The following PTPN11 variants were observed in gnomAD, a reference collection of about 807,000 sequenced individuals.
PTPN11 encodes the protein protein tyrosine phosphatase non-receptor type 11.
PTPN11 carries 6 observed loss-of-function variants against 78.8 expected under a neutral mutation model. The ratio of observed to expected loss-of-function variants is 0.08; its 90% CI spans 0.04 to 0.15. The LOEUF is 0.15. Ranked by LOEUF, PTPN11 falls within the 10% of genes least tolerant of loss-of-function variation. The pLI, the probability that PTPN11 is intolerant of heterozygous loss-of-function variation, is 1.00. For missense variants in PTPN11, 386 were observed against 744.8 expected, an observed-to-expected ratio of 0.52 and a Z score of 5.61; for synonymous variants, 221 against 263.5, an observed-to-expected ratio of 0.84 and a Z score of 1.56.
At chr12:112,457,791 C>T (rs1024665888) in intron 6 of PTPN11, among the ~76,000 whole-genome samples, 2 of 152,194 alleles carry the variant, frequency 1.3e-5, no homozygotes, top group African/African-American at 4.8e-5. Context: ...TATCACTTAC[C>T]CATTGACAAT....
chr12:112,426,885 CCTT>C (rs2037624139), intron 1 of PTPN11, among the ~76,000 whole-genome samples: 2 of 152,154 alleles, frequency 1.3e-5, no homozygotes, highest in Admixed American at 1.3e-4. Context: ...TATCCTCCCT[CCTT>C]GGCCTCCTAG....
At chr12:112,489,234 G>T in intron 13 of PTPN11, 59 bp downstream of exon 13, 1 of 1,593,284 alleles carries the variant, frequency 6.3e-7, no homozygotes. Flanking sequence ...TCTTGGATAC[G>T]CTCTCCTTTT....
intron 13 of PTPN11, among the ~76,000 whole-genome samples, chr12:112,497,391 A>G (rs1167712354): frequency 4.6e-5 from 7 of 152,062 alleles, no homozygotes; most frequent in African/African-American, 1.7e-4. Flanking sequence ...TCTGTTGCAG[A>G]CATTGATTAG....
At chr12:112,505,149 G>A (rs2038918288) in intron 15 of PTPN11, among the ~76,000 whole-genome samples, 1 of 152,098 alleles carries the variant, frequency 6.6e-6, no homozygotes, top group South Asian at 2.1e-4. Context: ...GGGAAGCATC[G>A]GGACTCAGCA....
intron 6 of PTPN11, among the ~76,000 whole-genome samples, chr12:112,472,462 C>T (rs1204938515): frequency 1.3e-5 from 2 of 151,832 alleles, no homozygotes; most frequent in African/African-American, 4.8e-5. Context: ...TTTATTTAGG[C>T]GGTCCTTTCC....
In PTPN11 at chr12:112,423,651, A is replaced by G. The variant is rs140529519; in HGVS notation, c.14+4526A>G. Among the ~76,000 whole-genome samples, 227 of 152,084 alleles carry G rather than the reference A, an allele frequency of 1.5e-3. 2 individuals are homozygous for G. In the Middle Eastern group the frequency reaches 0.037, roughly 25 times the overall value. On this transcript the variant is annotated intron_variant, in intron 1 of 15. Transcript: ENST00000351677. ...TGTATGTGTATATATGTATATTTGT[A>G]TACTCATATAAACACAAATACACAT... is the stretch of plus-strand genomic sequence containing the variant.
At chr12:112,446,174 A>G (rs897333202) in intron 1 of PTPN11, 102 bp from the exon 2 acceptor site, 25 of 1,482,006 alleles carry the variant, frequency 1.7e-5, no homozygotes, top group Middle Eastern at 4.7e-4. Context: ...TATTTTCTAA[A>G]ATTTTCTACT....
chr12:112,423,740 C>CTTT (rs1238357055), intron 1 of PTPN11, among the ~76,000 whole-genome samples: 179 of 110,648 alleles, frequency 1.6e-3, no homozygotes, highest in African/African-American at 2.9e-3. Flanking sequence ...CATACAATGT[C>CTTT]TTTTTTTTTT....
At chr12:112,480,360 A>G (rs2038577155) in intron 9 of PTPN11, among the ~76,000 whole-genome samples, 1 of 148,212 alleles carries the variant, frequency 6.7e-6, no homozygotes, top group African/African-American at 2.5e-5. Flanking sequence ...AAAAGACCAC[A>G]TCGTTCTTTT....
At chr12:112,505,558 C>T (rs886941266) in intron 15 of PTPN11, among the ~76,000 whole-genome samples, 9 of 150,096 alleles carry the variant, frequency 6.0e-5, no homozygotes, top group Non-Finnish European at 8.8e-5. Flanking sequence ...CCTATAATCC[C>T]AGCTACTCAG....
intron 13 of PTPN11, among the ~76,000 whole-genome samples, chr12:112,491,114 C>T (rs923901797): frequency 2.0e-5 from 3 of 151,994 alleles, no homozygotes; most frequent in African/African-American, 7.2e-5. Context: ...AGAGAAGAAA[C>T]AGCACAAGGA....
chr12:112,502,267 C>T lies in PTPN11; in HGVS notation c.1712+11C>T. ...GCCACCCTGTGCAGAGTAAGTAGTG[C>T]TGAAGGAAATTCTTTTTACCTGGTC... On this transcript the variant is annotated intron_variant, in intron 14 of 15. Coordinates refer to ENST00000351677, the MANE Select transcript of PTPN11 (RefSeq NM_002834.5). 6.2e-7 allele frequency: 1 copy of T among 1,600,358 alleles called. No individual in the cohort carries two copies. Among genetic ancestry groups the T allele is most frequent in the Non-Finnish European group, 8.6e-7 (1 of 1,167,584 alleles).
intron 6 of PTPN11, among the ~76,000 whole-genome samples, chr12:112,465,919 A>C (rs772541277): frequency 3.9e-4 from 60 of 152,212 alleles, no homozygotes; most frequent in Non-Finnish European, 7.8e-4. Flanking sequence ...GATATCCCAA[A>C]AATATCTGCC....
intron 6 of PTPN11, among the ~76,000 whole-genome samples, chr12:112,467,443 G>A: frequency 6.6e-6 from 1 of 152,138 alleles, no homozygotes; most frequent in East Asian, 1.9e-4. Context: ...GAGGGCAGAC[G>A]ATCACATGGC....
Position 112,442,828 on chromosome 12 carries a change from TTTTATATATATATATATA to T in PTPN11, c.15-3446_15-3429del, listed in dbSNP as rs1249442885. On this transcript the variant is annotated intron_variant, in intron 1 of 15. Coordinates refer to ENST00000351677, the MANE Select transcript of PTPN11 (RefSeq NM_002834.5). Reference sequence around the variant, plus strand: ...CTCTCTCTCCTCTCTCTCTCTCTCTTTTTATATATATATATATATATATATATATATATATATATATAT... The same window carrying T: ...CTCTCTCTCCTCTCTCTCTCTCTCTTTATATATATATATATATATATATAT... 6.4e-4 allele frequency among the ~76,000 whole-genome samples: 35 copies of T among 54,998 alleles called. 1 individual carries two copies. The highest frequency in any genetic ancestry group is 2.4e-3 in the African/African-American group (33 of 13,556). 36.1% of individuals were successfully genotyped at this position (54,998 alleles called of 152,430 possible).
intron 6 of PTPN11, among the ~76,000 whole-genome samples, chr12:112,463,911 C>T (rs143970059): frequency 1.1e-3 from 160 of 152,236 alleles, no homozygotes; most frequent in African/African-American, 3.6e-3. Flanking sequence ...TTGGAACCAG[C>T]GAAATAAGGC....
chr12:112,423,917 A>AT (rs2037564009), intron 1 of PTPN11, among the ~76,000 whole-genome samples: 1 of 149,958 alleles, frequency 6.7e-6, no homozygotes, highest in African/African-American at 2.5e-5. Flanking sequence ...AACTTGTCCA[A>AT]TTTTTCTATT....
chr12:112,426,703 T>A (rs2037621088), intron 1 of PTPN11, among the ~76,000 whole-genome samples: 1 of 152,120 alleles, frequency 6.6e-6, no homozygotes, highest in Non-Finnish European at 1.5e-5. Context: ...GATTTGAGGC[T>A]CTTTTCCCCA....
At chr12:112,486,375 C>A (rs2038675799) in intron 10 of PTPN11, 100 bp from the exon 11 acceptor site, 6 of 1,245,780 alleles carry the variant, frequency 4.8e-6, no homozygotes, top group Non-Finnish European at 7.0e-6. Flanking sequence ...TGGGGAGATT[C>A]TCTTCCTCTC....
Sources: allele counts gnomAD v4.1 joint callset (sites outside exome capture counted in the v4.1 genomes callset), GRCh38; gene constraint gnomAD v4.1.1; transcripts MANE v1.5; gene names NCBI Gene and HGNC (gene_info 2026-07-23, HGNC 2026-07-21).